Variants in ARL3 observed in about 807,000 individuals in gnomAD.
ARL3 encodes the protein ARF like GTPase 3, also known as ADP-ribosylation factor-like protein 3.
ARL3 carries 9 observed loss-of-function variants against 26.0 expected under a neutral mutation model. The ratio of observed to expected loss-of-function variants is 0.35; its 90% confidence interval spans 0.21 to 0.60. ARL3 has a LOEUF of 0.60. Ranked by LOEUF, ARL3 falls within the 20% of genes least tolerant of loss-of-function variation. The pLI is 0.78. For missense variants in ARL3, 158 were observed against 215.7 expected, an observed-to-expected ratio of 0.73 and a Z score of 1.67; for synonymous variants, 71 against 78.4, an observed-to-expected ratio of 0.91 and a Z score of 0.50.
chr10:102,684,169 G>T (rs1046458961), intron 5 of ARL3, among the ~76,000 whole-genome samples: 2 of 151,826 alleles, frequency 1.3e-5, no homozygotes, highest in Non-Finnish European at 2.9e-5. Flanking sequence ...CTTTTTCTGA[G>T]ACAGAGTCTC....
At chr10:102,698,318 C>T (rs1168827178) in intron 3 of ARL3, among the ~76,000 whole-genome samples, 1 of 152,096 alleles carries the variant, frequency 6.6e-6, no homozygotes, top group East Asian at 1.9e-4. Flanking sequence ...AGCGATCCTC[C>T]CACCTCAGCC....
intron 3 of ARL3, among the ~76,000 whole-genome samples, chr10:102,692,311 C>G (rs1240020863): frequency 2.6e-5 from 4 of 152,234 alleles, no homozygotes; most frequent in Non-Finnish European, 5.9e-5. Context: ...ATACCTTAAT[C>G]CAGCAGATGA....
chr10:102,678,151 C>A (rs1448378283), intron 5 of ARL3, among the ~76,000 whole-genome samples: 1 of 152,148 alleles, frequency 6.6e-6, no homozygotes, highest in South Asian at 2.1e-4. Context: ...GATAATCTGA[C>A]GGCTGTCCCA....
At chr10:102,704,313 A>G (rs1260826262) in intron 2 of ARL3, among the ~76,000 whole-genome samples, 1 of 152,022 alleles carries the variant, frequency 6.6e-6, no homozygotes, top group Non-Finnish European at 1.5e-5. Flanking sequence ...TACATGCACT[A>G]CTTTCATAAT....
At chr10:102,699,224 T>C in intron 3 of ARL3, 149 bp downstream of exon 3, 2 of 634,596 alleles carry the variant, frequency 3.2e-6, no homozygotes, top group South Asian at 1.8e-5. Flanking sequence ...TTTTCCTTTA[T>C]AATCTGTAGC....
chr10:102,699,881 A>T (rs2064269781), intron 2 of ARL3, among the ~76,000 whole-genome samples: 1 of 152,256 alleles, frequency 6.6e-6, no homozygotes, highest in Non-Finnish European at 1.5e-5. Flanking sequence ...CTGAATCTGA[A>T]GACTCAACAG....
intron 1 of ARL3, among the ~76,000 whole-genome samples, chr10:102,713,053 AT>A (rs377709954): frequency 4.8e-4 from 57 of 118,102 alleles, no homozygotes; most frequent in South Asian, 1.1e-3. Context: ...ACATACATCT[AT>A]TTTTTTTTTT....
At chr10:102,700,957 G>A (rs2064277152) in intron 2 of ARL3, among the ~76,000 whole-genome samples, 1 of 151,338 alleles carries the variant, frequency 6.6e-6, no homozygotes, top group Admixed American at 6.6e-5. Context: ...GGCTGGTCTT[G>A]AACTCCCGAC....
At chr10:102,708,316 A>C (rs936598440) in intron 1 of ARL3, among the ~76,000 whole-genome samples, 5 of 152,154 alleles carry the variant, frequency 3.3e-5, no homozygotes, top group African/African-American at 1.2e-4. Context: ...AGAAAAGTAA[A>C]AATTAAAATT....
At chr10:102,699,290 G>C in intron 3 of ARL3, 83 bp downstream of exon 3, 1 of 873,634 alleles carries the variant, frequency 1.1e-6, no homozygotes, top group Non-Finnish European at 1.9e-6. Context: ...TGGAATTACT[G>C]ACAAGAAAGA....
intron 3 of ARL3, among the ~76,000 whole-genome samples, chr10:102,697,063 C>G (rs181680741): frequency 6.6e-6 from 1 of 151,994 alleles, no homozygotes; most frequent in Non-Finnish European, 1.5e-5. Flanking sequence ...GTTACTGTAT[C>G]GAATACTGCA....
At chr10:102,708,489 C>T (rs932880230) in intron 1 of ARL3, among the ~76,000 whole-genome samples, 1 of 152,144 alleles carries the variant, frequency 6.6e-6, no homozygotes. Context: ...TTAAATGACA[C>T]AGGCAAAGTT....
At chr10:102,701,305 A>G (rs2136006219) in intron 2 of ARL3, among the ~76,000 whole-genome samples, 1 of 152,324 alleles carries the variant, frequency 6.6e-6, no homozygotes, top group Middle Eastern at 3.4e-3. Context: ...CTGGAGTTAG[A>G]TAGCTTTGGG....
Position 102,686,187 on chromosome 10 carries a change from T to C in ARL3, c.316-186A>G, listed in dbSNP as rs963235693. 3.3e-5 allele frequency among the ~76,000 whole-genome samples: 5 copies of C among 150,124 alleles called. No individual in the cohort carries two copies. In the South Asian group the frequency reaches 1.1e-3, roughly 32 times the overall value. ...CCCAGGTTCAAGTGATTCTCCTGCC[T>C]CAACCTCCTGAGTAGCTGGGACTAC... On this transcript the variant is annotated intron_variant, in intron 4 of 5. Transcript: ENST00000260746.
Position 102,714,293 on chromosome 10 carries a change from CCT to C in ARL3, c.-20_-19del. 2 of 1,210,994 alleles carry C rather than the reference CCT, an allele frequency of 1.7e-6. No individual in the cohort carries two copies. Among genetic ancestry groups the C allele is most frequent in the Non-Finnish European group, 2.1e-6 (2 of 942,236 alleles). 75.0% of individuals were successfully genotyped at this position (1,210,994 alleles called of 1,614,324 possible). A position where few individuals can be genotyped will look rare whatever the true frequency, so the allele number is the denominator to read the frequency against. On this transcript the variant is annotated 5_prime_UTR_variant, in exon 1 of 6. Coordinates refer to ENST00000260746, the MANE Select transcript of ARL3 (RefSeq NM_004311.4). The stretch of plus-strand genomic sequence containing the variant: ...CTCACCATCCTCCCGCCGAGTCCCT[CCT>C]CCTCCTCCTCCTCCTGCTGCCTCCC...
intron 2 of ARL3, among the ~76,000 whole-genome samples, chr10:102,702,410 A>G (rs2064284789): frequency 6.6e-6 from 1 of 152,190 alleles, no homozygotes; most frequent in Non-Finnish European, 1.5e-5. Context: ...TACAATGAGC[A>G]TTTATTACTT....
chr10:102,712,254 C>CA (rs1180306608), intron 1 of ARL3, among the ~76,000 whole-genome samples: 2 of 151,780 alleles, frequency 1.3e-5, no homozygotes, highest in Non-Finnish European at 2.9e-5. Context: ...AAACAAAAAC[C>CA]AAAAAAACCT....
At chr10:102,702,719 C>T (rs1274514880) in intron 2 of ARL3, among the ~76,000 whole-genome samples, 2 of 152,218 alleles carry the variant, frequency 1.3e-5, no homozygotes, top group East Asian at 3.8e-4. Context: ...GAAATCTTGA[C>T]ACACTAATAT....
intron 1 of ARL3, among the ~76,000 whole-genome samples, chr10:102,706,505 T>C (rs1296907657): frequency 6.6e-6 from 1 of 152,186 alleles, no homozygotes; most frequent in Non-Finnish European, 1.5e-5. Context: ...TCATTCAAAA[T>C]GTTCTACTAT....
Sources: gnomAD v4.1 joint callset for allele counts (sites outside exome capture counted in the v4.1 genomes callset) on GRCh38, gnomAD v4.1.1 for gene constraint, MANE v1.5 for transcripts, NCBI Gene and HGNC (gene_info 2026-07-23, HGNC 2026-07-21) for gene names.